Variants in UST observed in about 807,000 individuals in gnomAD.
UST encodes the protein chondroitin sulfate 2-O-sulfotransferase.
UST carries 21 observed loss-of-function variants against 45.6 expected under a neutral mutation model. That is an observed-to-expected ratio of 0.46 (90% CI 0.33 to 0.66). The LOEUF (loss-of-function observed/expected upper bound fraction) is 0.66. UST is among the 30% of genes least tolerant of loss of function. UST has a pLI of 0.02. For synonymous variants in UST, 215 were observed against 200.6 expected (o/e 1.07, Z -0.61); for missense variants, 463 against 512.4 (o/e 0.90, Z 0.93).
chr6:148,871,117 C>CTCTCTCTCTCTCTCTCTCTCT (rs1778543531), intron 1 of UST, among the ~76,000 whole-genome samples: 2 of 97,586 alleles, frequency 2.0e-5, no homozygotes, highest in Admixed American at 2.6e-4. Context: ...GCATTCTCTC[C>CTCTCTCTCTCTCTCTCTCTCT]CTCTCTCTCT....
chr6:148,961,778 G>A (rs1562313959), intron 4 of UST, among the ~76,000 whole-genome samples: 1 of 152,224 alleles, frequency 6.6e-6, no homozygotes, highest in Non-Finnish European at 1.5e-5. Flanking sequence ...AATCATGAGT[G>A]AGCAAAAGGT....
At chr6:148,828,641 G>A (rs1777618786) in intron 1 of UST, among the ~76,000 whole-genome samples, 1 of 152,206 alleles carries the variant, frequency 6.6e-6, no homozygotes, top group South Asian at 2.1e-4. Flanking sequence ...GTAAAATGGA[G>A]AGAGGACTAA....
intron 5 of UST, among the ~76,000 whole-genome samples, chr6:149,010,913 A>AAAAAAACAAAC (rs1554234080): frequency 1.1e-5 from 1 of 92,968 alleles, no homozygotes. Flanking sequence ...AAAAAAAAAA[A>AAAAAAACAAAC]AAAAAACTGT....
intron 1 of UST, among the ~76,000 whole-genome samples, chr6:148,842,836 A>G (rs73001115): frequency 0.01 from 1,595 of 152,258 alleles, 20 homozygotes; most frequent in Admixed American, 0.021. Flanking sequence ...AGTCTGTGGC[A>G]ATCCTAGTGA....
intron 1 of UST, among the ~76,000 whole-genome samples, chr6:148,749,070 T>G (rs1775940322): frequency 6.6e-6 from 1 of 152,358 alleles, no homozygotes; most frequent in Admixed American, 6.5e-5. Context: ...ACCTCATATT[T>G]TAAAAGTTAC....
chr6:148,894,814 C>CTTTT (rs760698349), intron 2 of UST, among the ~76,000 whole-genome samples: 3,557 of 93,364 alleles, frequency 0.038, 459 homozygotes, highest in African/African-American at 0.13. Flanking sequence ...AATTTCAGTG[C>CTTTT]TTTTTTTTTT....
chr6:149,015,724 T>C (rs1368771629), intron 5 of UST, among the ~76,000 whole-genome samples: 3 of 152,170 alleles, frequency 2.0e-5, no homozygotes, highest in Non-Finnish European at 4.4e-5. Context: ...GAGAGAACTT[T>C]AGTATTAAAA....
At chr6:148,794,240 A>AT (rs1463648231) in intron 1 of UST, among the ~76,000 whole-genome samples, 1 of 152,144 alleles carries the variant, frequency 6.6e-6, no homozygotes, top group Admixed American at 6.5e-5. Context: ...CATTACCTAC[A>AT]TTTTTTAGGT....
chr6:149,003,807 A>C (rs1781597178), intron 5 of UST, among the ~76,000 whole-genome samples: 1 of 152,184 alleles, frequency 6.6e-6, no homozygotes, highest in South Asian at 2.1e-4. Context: ...GAAGGTTCAG[A>C]GAGTGGAATT....
intron 2 of UST, among the ~76,000 whole-genome samples, chr6:148,913,079 CTT>C (rs1328372515): frequency 6.7e-6 from 1 of 149,644 alleles, no homozygotes; most frequent in African/African-American, 2.4e-5. Flanking sequence ...TCTCAAATAA[CTT>C]TGTGCAGAAA....
chr6:148,846,439 G>T (rs1047285978), intron 1 of UST, among the ~76,000 whole-genome samples: 1 of 151,836 alleles, frequency 6.6e-6, no homozygotes, highest in African/African-American at 2.4e-5. Flanking sequence ...ACACTCTGGG[G>T]ACTGTTGTGG....
chr6:148,805,541 T>G (rs1270253590), intron 1 of UST, among the ~76,000 whole-genome samples: 1 of 152,206 alleles, frequency 6.6e-6, no homozygotes, highest in Non-Finnish European at 1.5e-5. Context: ...AAAGGTCATT[T>G]GATTATAAGT....
intron 2 of UST, among the ~76,000 whole-genome samples, chr6:148,893,975 C>G (rs143142276): frequency 6.6e-6 from 1 of 152,138 alleles, no homozygotes; most frequent in Non-Finnish European, 1.5e-5. Context: ...GCTATGATTG[C>G]ACCACCACTC....
chr6:148,867,909 C>G (rs1778477521), intron 1 of UST, among the ~76,000 whole-genome samples: 1 of 152,146 alleles, frequency 6.6e-6, no homozygotes, highest in Non-Finnish European at 1.5e-5. Flanking sequence ...AAGGGATCTT[C>G]AGGGAGTCCC....
At chr6:148,916,150 T>TA (rs1218116238) in intron 2 of UST, among the ~76,000 whole-genome samples, 1 of 152,218 alleles carries the variant, frequency 6.6e-6, no homozygotes, top group Non-Finnish European at 1.5e-5. Flanking sequence ...ATTGAGTACT[T>TA]ACTGCGTGCC....
At chr6:148,949,907 G>A (rs1036994991) in intron 3 of UST, among the ~76,000 whole-genome samples, 1 of 152,122 alleles carries the variant, frequency 6.6e-6, no homozygotes, top group African/African-American at 2.4e-5. Context: ...TCAAAACCAA[G>A]CCCATTTCCC....
At chr6:149,008,509 C>T (rs879478339) in intron 5 of UST, among the ~76,000 whole-genome samples, 3 of 152,076 alleles carry the variant, frequency 2.0e-5, no homozygotes, top group Admixed American at 6.5e-5. Context: ...GGGTGAGACA[C>T]GCAACAGTGA....
intron 1 of UST, among the ~76,000 whole-genome samples, chr6:148,840,643 C>T (rs1489215588): frequency 6.6e-6 from 1 of 152,112 alleles, no homozygotes; most frequent in African/African-American, 2.4e-5. Flanking sequence ...AGTTTCACAC[C>T]CCAAGAATAT....
chr6:148,928,372 A>G (rs1258225531), intron 2 of UST, among the ~76,000 whole-genome samples: 2 of 152,258 alleles, frequency 1.3e-5, no homozygotes, highest in Non-Finnish European at 2.9e-5. Flanking sequence ...TTGTTGCTCT[A>G]TAAACTGTCT....
Sources: allele counts gnomAD v4.1 joint callset (sites outside exome capture counted in the v4.1 genomes callset), GRCh38; gene constraint gnomAD v4.1.1; transcripts MANE v1.5; gene names NCBI Gene and HGNC (gene_info 2026-07-23, HGNC 2026-07-21).